The following IL23R variants were observed in gnomAD, a reference collection of about 807,000 sequenced individuals.
The protein encoded by IL23R is interleukin 23 receptor.
IL23R carries 34 observed loss-of-function variants against 56.9 expected under a neutral mutation model. The observed-to-expected ratio is 0.60, with a 90% CI of 0.45 to 0.80. The LOEUF is 0.80. IL23R is among the 30% of genes least tolerant of loss of function. The probability of loss-of-function intolerance (pLI) is 0.00; values close to 1 mark genes in which losing one functional copy is unlikely to be tolerated. For synonymous variants in IL23R, 230 were observed against 249.2 expected, an observed-to-expected ratio of 0.92 and a Z score of 0.73; for missense variants, 635 against 730.0, an observed-to-expected ratio of 0.87 and a Z score of 1.50.
chr1:67,174,131 T>C (rs1646979483), intron 3 of IL23R, among the ~76,000 whole-genome samples: 1 of 152,142 alleles, frequency 6.6e-6, no homozygotes, highest in Non-Finnish European at 1.5e-5. Flanking sequence ...AAGCCAAATA[T>C]TTTATATATC....
intron 7 of IL23R, among the ~76,000 whole-genome samples, chr1:67,223,683 A>G (rs1650440927): frequency 6.6e-6 from 1 of 152,112 alleles, no homozygotes; most frequent in Non-Finnish European, 1.5e-5. Context: ...TGGGGCTATG[A>G]TGTATATACT....
Position 67,184,446 on chromosome 1 carries a change from C to T in IL23R, c.491+1487C>T, listed in dbSNP as rs796126082. On this transcript the variant is annotated intron_variant, in intron 4 of 10. Transcript: ENST00000347310. ...TTGTAATCCCAGCTACTGGGGAGGC[C>T]GAGACAGGAGAATTGCTTGAACTCA... is the stretch of plus-strand genomic sequence containing the variant. Among the ~76,000 whole-genome samples, 10 of 150,478 alleles carry T rather than the reference C, an allele frequency of 6.6e-5. No homozygotes were observed. The East Asian group carries it at 1.2e-3, about 18-fold the overall frequency.
intron 1 of IL23R, among the ~76,000 whole-genome samples, chr1:67,159,819 A>T (rs1447428703): frequency 6.6e-6 from 1 of 152,196 alleles, no homozygotes; most frequent in East Asian, 1.9e-4. Context: ...GATTTTCTGG[A>T]TATGACTTAT....
chr1:67,166,161 A>T (rs1202852313), upstream of IL23R, among the ~76,000 whole-genome samples: 1 of 152,244 alleles, frequency 6.6e-6, no homozygotes, highest in Non-Finnish European at 1.5e-5. Context: ...GCTGGTTGTA[A>T]ATTAAAACTA....
intron 1 of IL23R, among the ~76,000 whole-genome samples, chr1:67,148,264 A>G (rs1255005321): frequency 3.9e-5 from 6 of 152,262 alleles, no homozygotes; most frequent in Non-Finnish European, 8.8e-5. Context: ...GCGAAAGCTC[A>G]GCTCCAGCCA....
At chr1:67,216,983 C>A (rs1336656203) in intron 6 of IL23R, among the ~76,000 whole-genome samples, 1 of 152,122 alleles carries the variant, frequency 6.6e-6, no homozygotes, top group Non-Finnish European at 1.5e-5. Flanking sequence ...AAGGGAGAAA[C>A]CAAGGGTTTA....
At chr1:67,243,867 T>G (rs1652020798) in intron 9 of IL23R, among the ~76,000 whole-genome samples, 3 of 152,156 alleles carry the variant, frequency 2.0e-5, no homozygotes, top group African/African-American at 7.2e-5. Flanking sequence ...TGATCCTAGA[T>G]CCTTGAGGAA....
chr1:67,210,404 A>AT (rs1222767772), intron 6 of IL23R, among the ~76,000 whole-genome samples: 1 of 152,152 alleles, frequency 6.6e-6, no homozygotes, highest in Non-Finnish European at 1.5e-5. Flanking sequence ...ACAAACTGCC[A>AT]TTTAGTCCAA....
chr1:67,178,654 T>A, intron 3 of IL23R, among the ~76,000 whole-genome samples: 1 of 152,214 alleles, frequency 6.6e-6, no homozygotes, highest in Non-Finnish European at 1.5e-5. Context: ...TCCAACACTA[T>A]GTTGAATAGG....
At chr1:67,255,133 C>T (rs897070029) in intron 9 of IL23R, among the ~76,000 whole-genome samples, 7 of 152,156 alleles carry the variant, frequency 4.6e-5, no homozygotes, top group South Asian at 2.1e-4. Flanking sequence ...TTTAAATATG[C>T]GGTAGTTACG....
chr1:67,197,423 A>G (rs909938079), intron 4 of IL23R, among the ~76,000 whole-genome samples: 1 of 152,240 alleles, frequency 6.6e-6, no homozygotes, highest in African/African-American at 2.4e-5. Flanking sequence ...GCTTAAGAAC[A>G]TGAAATAATG....
At chr1:67,204,859 A>G (rs999855049) in intron 5 of IL23R, among the ~76,000 whole-genome samples, 4 of 151,738 alleles carry the variant, frequency 2.6e-5, no homozygotes, top group Admixed American at 2.6e-4. Context: ...GCTCGCTGCA[A>G]CCTCTACTTC....
chr1:67,238,362 A>C (rs1651628143), intron 8 of IL23R, among the ~76,000 whole-genome samples: 1 of 151,814 alleles, frequency 6.6e-6, no homozygotes, highest in African/African-American at 2.4e-5. Flanking sequence ...AAAAGAGGAA[A>C]AAGAAGAAAA....
At chr1:67,205,640 C>G (rs1487647647) in intron 5 of IL23R, among the ~76,000 whole-genome samples, 1 of 152,134 alleles carries the variant, frequency 6.6e-6, no homozygotes, top group East Asian at 1.9e-4. Context: ...ATAAAATAAC[C>G]AATCAGAATT....
chr1:67,212,967 G>A (rs1318649223), intron 6 of IL23R, among the ~76,000 whole-genome samples: 33 of 151,896 alleles, frequency 2.2e-4, no homozygotes, highest in African/African-American at 8.0e-4. Context: ...TCTGCTTCCC[G>A]GGTTCAAGCG....
intron 1 of IL23R, among the ~76,000 whole-genome samples, chr1:67,158,372 A>G (rs944423271): frequency 2.0e-5 from 3 of 152,204 alleles, no homozygotes; most frequent in African/African-American, 7.2e-5. Flanking sequence ...GAAACTTGTA[A>G]TGAAGTAGAA....
intron 1 of IL23R, among the ~76,000 whole-genome samples, chr1:67,143,997 T>C (rs1299403876): frequency 2.0e-5 from 3 of 152,216 alleles, no homozygotes; most frequent in South Asian, 2.1e-4. Flanking sequence ...TACCAAAGTT[T>C]AGGTGCTTGA....
intron 1 of IL23R, among the ~76,000 whole-genome samples, chr1:67,158,323 C>A (rs1047806982): frequency 1.3e-5 from 2 of 152,106 alleles, no homozygotes; most frequent in Non-Finnish European, 2.9e-5. Flanking sequence ...TTGGTTTCAC[C>A]CAGGAAAGAA....
At chr1:67,215,171 T>G (rs1317630168) in intron 6 of IL23R, among the ~76,000 whole-genome samples, 1 of 152,178 alleles carries the variant, frequency 6.6e-6, no homozygotes, top group Non-Finnish European at 1.5e-5. Flanking sequence ...AATAAAGCCC[T>G]TCCTTCTATA....
Sources: gnomAD v4.1 joint callset for allele counts (sites outside exome capture counted in the v4.1 genomes callset) on GRCh38, gnomAD v4.1.1 for gene constraint, MANE v1.5 for transcripts, NCBI Gene and HGNC (gene_info 2026-07-23, HGNC 2026-07-21) for gene names.